The following KIAA2012 variants were observed in gnomAD, a reference collection of about 807,000 sequenced individuals.
KIAA2012 encodes KIAA2012.
In KIAA2012, 125 loss-of-function variants were observed where a neutral mutation model predicts 150.6. That is an observed-to-expected ratio of 0.83 (90% CI 0.72 to 0.96). The LOEUF is 0.96. KIAA2012 is among the 40% of genes least tolerant of loss of function. KIAA2012 has a pLI of 0.00. For synonymous variants in KIAA2012, 462 were observed against 504.7 expected (o/e 0.92, Z 1.13); for missense variants, 1,219 against 1,354.9 (o/e 0.90, Z 1.57).
At chr2:202,116,730 A>G (rs1690538228) in intron 11 of KIAA2012, 1 of 152,138 alleles carries the variant, frequency 6.6e-6, no homozygotes, top group Non-Finnish European at 1.5e-5. Context: ...TTCAAAAGGG[A>G]GAAACTAACT....
intron 15 of KIAA2012, among the ~76,000 whole-genome samples, chr2:202,177,602 A>G (rs1373909824): frequency 2.6e-5 from 4 of 152,116 alleles, no homozygotes; most frequent in Non-Finnish European, 4.4e-5. Flanking sequence ...GCCCAGGCTC[A>G]ACCTGAATTC....
At chr2:202,132,726 A>ATG (rs1690969606) in intron 12 of KIAA2012, among the ~76,000 whole-genome samples, 2 of 99,676 alleles carry the variant, frequency 2.0e-5, no homozygotes. Flanking sequence ...GTATATATAT[A>ATG]TAGTATATAT....
rs573570161 is a variant in KIAA2012 at position 202,196,243 on chromosome 2, T to G, written c.3188-557T>G. The stretch of plus-strand genomic sequence containing the variant: ...AGAGTCTCGCTCTGTCGCCAAGGCT[T>G]GAGTGCAACGGCGCGATCTCGGTTC... On this transcript the variant is annotated intron_variant, in intron 21 of 23. Coordinates refer to ENST00000498697, the MANE Select transcript of KIAA2012 (RefSeq NM_001277372.4). Among the ~76,000 whole-genome samples, 31 of 139,972 alleles carry G rather than the reference T, an allele frequency of 2.2e-4. No individual in the cohort carries two copies. The South Asian group carries it at 7.0e-3, about 31-fold the overall frequency. The allele number at this position is 139,972 out of a possible 152,430, so 91.8% of individuals were successfully genotyped here. A position where few individuals can be genotyped will look rare whatever the true frequency, so the allele number is the denominator to read the frequency against.
intron 15 of KIAA2012, among the ~76,000 whole-genome samples, chr2:202,181,490 G>A (rs1692120737): frequency 6.6e-6 from 1 of 152,084 alleles, no homozygotes; most frequent in Non-Finnish European, 1.5e-5. Flanking sequence ...GGCTGAGGTG[G>A]GAGGTCCCTT....
At chr2:202,175,802 AAAAT>A (rs1691979048) in intron 15 of KIAA2012, among the ~76,000 whole-genome samples, 1 of 152,254 alleles carries the variant, frequency 6.6e-6, no homozygotes, top group Non-Finnish European at 1.5e-5. Context: ...ATTTTGAAAA[AAAAT>A]AAAGTGGAAG....
chr2:202,094,004 C>T (rs111739879), intron 4 of KIAA2012, among the ~76,000 whole-genome samples: 3 of 152,308 alleles, frequency 2.0e-5, no homozygotes, highest in African/African-American at 7.2e-5. Flanking sequence ...GATTTTTGGC[C>T]AGGCTCAGTG....
At chr2:202,204,137 C>T (rs1234157300) in intron 23 of KIAA2012, among the ~76,000 whole-genome samples, 1 of 150,884 alleles carries the variant, frequency 6.6e-6, no homozygotes, top group Non-Finnish European at 1.5e-5. Flanking sequence ...AGTGCAGTGG[C>T]GCCATCACAG....
intron 2 of KIAA2012, among the ~76,000 whole-genome samples, chr2:202,076,074 T>C (rs1015081048): frequency 3.2e-4 from 48 of 152,202 alleles, no homozygotes; most frequent in Non-Finnish European, 4.6e-4. Flanking sequence ...CCTCTACAGC[T>C]GGCAAGCTCC....
At chr2:202,179,264 A>T in intron 15 of KIAA2012, 1 of 1,038,842 alleles carries the variant, frequency 9.6e-7, no homozygotes, top group Non-Finnish European at 1.5e-6. Context: ...TAAAAACTGT[A>T]CATACTTGTG....
intron 2 of KIAA2012, among the ~76,000 whole-genome samples, chr2:202,085,188 C>A (rs1689534115): frequency 1.3e-5 from 2 of 152,024 alleles, no homozygotes; most frequent in South Asian, 4.1e-4. Flanking sequence ...TTAAAAGAAA[C>A]CAGGAAACTA....
chr2:202,075,279 ACT>A, intron 2 of KIAA2012, 104 bp downstream of exon 2: 1 of 1,220,738 alleles, frequency 8.2e-7, no homozygotes, highest in Non-Finnish European at 1.1e-6. Flanking sequence ...AAGGTATGAA[ACT>A]CTCAGAACTC....
intron 11 of KIAA2012, chr2:202,114,607 A>G (rs879591783): frequency 1.2e-5 from 2 of 166,344 alleles, no homozygotes; most frequent in Non-Finnish European, 2.9e-5. Context: ...AGAAAAGGAA[A>G]TATTTAGGCT....
chr2:202,169,478 G>T (rs953640854), intron 15 of KIAA2012, among the ~76,000 whole-genome samples: 1 of 152,178 alleles, frequency 6.6e-6, no homozygotes, highest in Non-Finnish European at 1.5e-5. Flanking sequence ...CAGGCAACAG[G>T]TAACTAATGC....
At chr2:202,112,837 G>A (rs1316085474) in intron 10 of KIAA2012, among the ~76,000 whole-genome samples, 3 of 152,202 alleles carry the variant, frequency 2.0e-5, no homozygotes, top group Non-Finnish European at 4.4e-5. Context: ...GGGAGACACA[G>A]CATCCTTCAT....
chr2:202,142,500 T>G (rs1315487897), intron 13 of KIAA2012, among the ~76,000 whole-genome samples: 1 of 152,152 alleles, frequency 6.6e-6, no homozygotes, highest in Non-Finnish European at 1.5e-5. Flanking sequence ...TTGGGGAGGT[T>G]TAGAATCTTG....
chr2:202,194,335 A>G lies in KIAA2012; in HGVS notation c.3160A>G (p.Lys1054Glu), dbSNP rs1692373430. 6.5e-7 allele frequency: 1 copy of G among 1,550,272 alleles called. No individual in the cohort carries two copies. Among genetic ancestry groups the G allele is most frequent in the Non-Finnish European group, 8.7e-7 (1 of 1,146,992 alleles). The stretch of plus-strand genomic sequence containing the variant: ...GAAACTGCGAGAACTACAGAGAAAA[A>G]AGCAGCAGGAGGAAGCCGAGAGGGC... ...RRKLRELQRKKQQEEAERAEA... is the reference protein window; with the variant it reads ...RRKLRELQRKEQQEEAERAEA... Residue 1054 changes from lysine (K) to glutamate (E), a missense_variant, in exon 21 of 24, where the codon AAG (lysine) becomes GAG (glutamate). Transcript: ENST00000498697.
Position 202,105,793 on chromosome 2 carries a change from A to G in KIAA2012, c.1357A>G (p.Ser453Gly). Residue 453 changes from serine (S) to glycine (G), a missense_variant, in exon 9 of 24, where the codon AGC becomes GGC. Coordinates refer to ENST00000498697, the MANE Select transcript of KIAA2012 (RefSeq NM_001277372.4). Reference sequence around the variant, plus strand: ...ACACCCTGAGTCAGAACCAGAAAGCAGCGAAGAATCCACACCTGTGTGGAG... The same window carrying G: ...ACACCCTGAGTCAGAACCAGAAAGCGGCGAAGAATCCACACCTGTGTGGAG... ...APHPESEPES[S>G]EESTPVWRPP... 3 of 1,550,662 alleles carry G rather than the reference A, an allele frequency of 1.9e-6. No homozygotes were observed. Among genetic ancestry groups the G allele is most frequent in the Non-Finnish European group, 2.6e-6 (3 of 1,146,998 alleles).
In KIAA2012 at chr2:202,090,797, T is replaced by C; in HGVS notation, c.397T>C (p.Tyr133His). The change falls in exon 3 of 24, where the codon TAC becomes CAC. Residue 133 changes from tyrosine to histidine, a missense_variant. Transcript: ENST00000498697. ...AGAGCAGGACAGAGCCTGGCAACCA[T>C]ACCTCCACTTCCGAAGCCAGCTGGA... is the stretch of plus-strand genomic sequence containing the variant. The part of the protein sequence containing the change: ...QGEQDRAWQP[Y>H]LHFRSQLESQ... 2 of 1,550,496 alleles carry C rather than the reference T, an allele frequency of 1.3e-6. No homozygotes were observed. The highest frequency in any genetic ancestry group is 1.7e-6 in the Non-Finnish European group (2 of 1,146,918).
intron 12 of KIAA2012, among the ~76,000 whole-genome samples, chr2:202,133,928 G>T (rs1004486375): frequency 2.6e-5 from 4 of 152,068 alleles, no homozygotes; most frequent in Non-Finnish European, 5.9e-5. Context: ...TTAAGGAAAG[G>T]TCAGAAGGAC....
Sources: gnomAD v4.1 joint callset for allele counts (sites outside exome capture counted in the v4.1 genomes callset) on GRCh38, gnomAD v4.1.1 for gene constraint, MANE v1.5 for transcripts, NCBI Gene and HGNC (gene_info 2026-07-23, HGNC 2026-07-21) for gene names.